Variants in CCDC175 observed in about 807,000 individuals in gnomAD.
The protein encoded by CCDC175 is coiled-coil domain-containing protein 175.
Under a neutral mutation model 114.6 loss-of-function variants are expected in CCDC175, and 100 were observed. The ratio of observed to expected loss-of-function variants is 0.87; its 90% CI spans 0.74 to 1.03. The LOEUF (loss-of-function observed/expected upper bound fraction) is 1.03. Among genes scored for constraint, CCDC175 ranks in the 50% least tolerant of loss-of-function variants. The probability of loss-of-function intolerance (pLI) is 0.00; values close to 1 mark genes in which losing one functional copy is unlikely to be tolerated. For missense variants in CCDC175, 880 were observed against 917.8 expected, an observed-to-expected ratio of 0.96 and a Z score of 0.53; for synonymous variants, 306 against 308.7, an observed-to-expected ratio of 0.99 and a Z score of 0.09.
At chr14:59,564,840 C>G (rs1382586544) in intron 5 of CCDC175, among the ~76,000 whole-genome samples, 1 of 152,194 alleles carries the variant, frequency 6.6e-6, no homozygotes, top group East Asian at 1.9e-4. Context: ...TATTCTTACC[C>G]ATGAACTGAG....
chr14:59,516,264 A>C (rs1893079291), intron 17 of CCDC175, among the ~76,000 whole-genome samples: 1 of 152,240 alleles, frequency 6.6e-6, no homozygotes, highest in Non-Finnish European at 1.5e-5. Context: ...AGAACTAGAG[A>C]AGCAAGAGCA....
In CCDC175 at chr14:59,525,427, A is replaced by T; in HGVS notation, c.1850T>A (p.Val617Glu). 6.6e-7 allele frequency: 1 copy of T among 1,514,108 alleles called. No individual in the cohort carries two copies. The highest frequency in any genetic ancestry group is 8.8e-7 in the Non-Finnish European group (1 of 1,140,392). The allele number at this position is 1,514,108 out of a possible 1,614,324, so 93.8% of individuals were successfully genotyped here. ...TCGTAATTGTTGTAATTCTTGTTTT[A>T]CATCTTCCTGCTCAAACAGAAAACC... ...FSRYISNMED[V>E]KQELQQLRDQ... Residue 617 changes from valine to glutamate, a missense_variant, in exon 16 of 20, where the codon GTA (valine) becomes GAA (glutamate). Physicochemically the swap from Val to Glu is moderately radical, Grantham distance 121. Coordinates refer to ENST00000537690, the MANE Select transcript of CCDC175 (RefSeq NM_001164399.2).
chr14:59,525,381 G>GT lies in CCDC175; in HGVS notation c.1895dup (p.Asn632LysfsTer6), dbSNP rs1198843594. ...TCTTTAGAGTTTCAAAATGATCTTT[G>GT]TTTTTTTTGCTTTCTTGATCTCGTA... On this transcript the variant is annotated frameshift_variant, in exon 16 of 20. Coordinates refer to ENST00000537690, the MANE Select transcript of CCDC175 (RefSeq NM_001164399.2). LOFTEE classifies it high-confidence loss of function. 162 of 1,512,028 alleles carry GT rather than the reference G, an allele frequency of 1.1e-4. No individual in the cohort carries two copies. The highest frequency in any genetic ancestry group is 1.8e-4 in the Admixed American group (8 of 45,470). The allele number at this position is 1,512,028 out of a possible 1,614,324, so 93.7% of individuals were successfully genotyped here.
At chr14:59,517,985 G>A (rs1893202727) in intron 17 of CCDC175, among the ~76,000 whole-genome samples, 1 of 152,088 alleles carries the variant, frequency 6.6e-6, no homozygotes, top group Admixed American at 6.6e-5. Context: ...ATAGAGCAAT[G>A]GAACCGAACA....
intron 8 of CCDC175, among the ~76,000 whole-genome samples, chr14:59,546,116 C>T (rs1895090528): frequency 6.6e-6 from 1 of 152,112 alleles, no homozygotes; most frequent in Admixed American, 6.5e-5. Flanking sequence ...AATAATACAC[C>T]ATGGAACATT....
In CCDC175 at chr14:59,540,814, G is replaced by A. The variant is rs557739724; in HGVS notation, c.1284-68C>T. On this transcript the variant is annotated intron_variant, in intron 10 of 19. Coordinates refer to ENST00000537690, the MANE Select transcript of CCDC175 (RefSeq NM_001164399.2). ...TTAGAATATACAATAGACTCTATAC[G>A]CATAATTTGTATGCTCAGTAAGGCT... is the stretch of plus-strand genomic sequence containing the variant. 1.3e-3 allele frequency: 1,615 copies of A among 1,287,736 alleles called. 3 individuals carry two copies. The highest frequency in any genetic ancestry group is 1.9e-3 in the Middle Eastern group (10 of 5,318). 79.8% of individuals were successfully genotyped at this position (1,287,736 alleles called of 1,614,324 possible).
At chr14:59,546,983 T>C (rs1895149118) in intron 8 of CCDC175, among the ~76,000 whole-genome samples, 1 of 152,190 alleles carries the variant, frequency 6.6e-6, no homozygotes, top group African/African-American at 2.4e-5. Flanking sequence ...CTCGTGCCTG[T>C]AATCCTAGCA....
intron 17 of CCDC175, among the ~76,000 whole-genome samples, chr14:59,512,023 G>A (rs550298774): frequency 1.4e-4 from 22 of 152,110 alleles, no homozygotes; most frequent in Admixed American, 7.9e-4. Flanking sequence ...GTTGAAGAAT[G>A]GGCAGCCCAG....
chr14:59,522,483 G>A (rs1014589699), intron 16 of CCDC175, among the ~76,000 whole-genome samples: 2 of 152,078 alleles, frequency 1.3e-5, no homozygotes, highest in Non-Finnish European at 2.9e-5. Context: ...TAAGCCAACC[G>A]CAAGGCCACA....
rs201540753 is a variant in CCDC175 at position 59,536,782 on chromosome 14, TTTTG to T, written c.1623+1237_1623+1240del. Among the ~76,000 whole-genome samples, 63 of 152,224 alleles carry T rather than the reference TTTTG, an allele frequency of 4.1e-4. No homozygotes were observed. In the East Asian group the frequency reaches 0.012, roughly 28 times the overall value. On this transcript the variant is annotated intron_variant, in intron 13 of 19. Coordinates refer to ENST00000537690, the MANE Select transcript of CCDC175 (RefSeq NM_001164399.2). ...CATAGAAGAATGTTTGATCATAGTA[TTTTG>T]TTTGTTTGTTTTTGAGATGGAGTCT...
intron 7 of CCDC175, among the ~76,000 whole-genome samples, chr14:59,552,579 A>AT (rs1235949950): frequency 6.6e-6 from 1 of 152,204 alleles, no homozygotes; most frequent in African/African-American, 2.4e-5. Context: ...CTCCAAAAGA[A>AT]CACAGCTCCT....
At chr14:59,571,742 G>A (rs766772744) in intron 3 of CCDC175, among the ~76,000 whole-genome samples, 7 of 151,966 alleles carry the variant, frequency 4.6e-5, no homozygotes, top group Non-Finnish European at 1.0e-4. Flanking sequence ...TTGAATATAT[G>A]ACTCTGTAAG....
chr14:59,563,833 T>C lies in CCDC175; in HGVS notation c.747A>G (p.Glu249=). The C allele has an allele frequency of 2.8e-6, 4 of 1,441,594 alleles. No individual in the cohort carries two copies. The highest frequency in any genetic ancestry group is 3.6e-6 in the Non-Finnish European group (4 of 1,102,756). The allele number at this position is 1,441,594 out of a possible 1,614,324, so 89.3% of individuals were successfully genotyped here. ...TTTGATAAGTCTCCATTCTCTTTAC[T>C]TCACGGGTATTTTCAAATTCATTAA... The part of the protein sequence containing the change: ...AQINEFENTR[E]VKRMETYQKK... The change falls in exon 6 of 20, where the codon GAA becomes GAG. Residue 249 remains glutamate (E), a synonymous_variant. Transcript: ENST00000537690.
intron 17 of CCDC175, among the ~76,000 whole-genome samples, chr14:59,514,744 A>G (rs1001136254): frequency 1.3e-5 from 2 of 152,256 alleles, no homozygotes; most frequent in African/African-American, 4.8e-5. Flanking sequence ...AACACTCTGC[A>G]GGATATCATA....
chr14:59,536,116 C>G (rs1008238874), intron 13 of CCDC175, among the ~76,000 whole-genome samples: 2 of 152,174 alleles, frequency 1.3e-5, no homozygotes, highest in African/African-American at 4.8e-5. Flanking sequence ...ACTCCTAATT[C>G]CATCTCAGCA....
intron 17 of CCDC175, among the ~76,000 whole-genome samples, chr14:59,516,301 G>A (rs1320318335): frequency 6.6e-6 from 1 of 151,986 alleles, no homozygotes; most frequent in Admixed American, 6.6e-5. Context: ...AGCAGAAGGT[G>A]AGAAATAACT....
At position 59,568,232 on chromosome 14, in the gene CCDC175, T is replaced by G; in HGVS notation, c.491+13A>C. ...CCCCTGCTCCCTCAAATACTGAATA[T>G]AAGAATACCTACCCCAGAGCTTCAT... is the stretch of plus-strand genomic sequence containing the variant. On this transcript the variant is annotated intron_variant, in intron 4 of 19. Coordinates refer to ENST00000537690, the MANE Select transcript of CCDC175 (RefSeq NM_001164399.2). The G allele has an allele frequency of 6.6e-7, 1 of 1,522,156 alleles. No individual in the cohort carries two copies. The highest frequency in any genetic ancestry group is 1.2e-5 in the South Asian group (1 of 80,222). The allele number at this position is 1,522,156 out of a possible 1,614,324, so 94.3% of individuals were successfully genotyped here.
chr14:59,521,553 A>T (rs747124085), intron 17 of CCDC175, 21 bp downstream of exon 17: 2 of 1,365,328 alleles, frequency 1.5e-6, no homozygotes, highest in South Asian at 1.3e-5. Flanking sequence ...TGACTAATAC[A>T]AGCACCCACA....
intron 12 of CCDC175, 63 bp from the exon 13 acceptor site, chr14:59,538,217 T>G: frequency 7.4e-7 from 1 of 1,342,426 alleles, no homozygotes; most frequent in East Asian, 2.8e-5. Context: ...CATTTTCGAA[T>G]AGCCAGGAAA....
Sources: allele counts gnomAD v4.1 joint callset (sites outside exome capture counted in the v4.1 genomes callset), GRCh38; gene constraint gnomAD v4.1.1; transcripts MANE v1.5; gene names NCBI Gene and HGNC (gene_info 2026-07-23, HGNC 2026-07-21).